The following VPS13C variants were observed in gnomAD, a reference collection of about 807,000 sequenced individuals.
The protein encoded by VPS13C is intermembrane lipid transfer protein VPS13C.
Under a neutral mutation model 456.8 loss-of-function variants are expected in VPS13C, and 358 were observed. That is an observed-to-expected ratio of 0.78 (90% CI 0.72 to 0.86). VPS13C has a LOEUF of 0.86. Ranked by LOEUF, VPS13C falls within the 40% of genes least tolerant of loss-of-function variation. The probability of loss-of-function intolerance (pLI) is 0.00; values close to 1 mark genes in which losing one functional copy is unlikely to be tolerated. For synonymous variants in VPS13C, 1,578 were observed against 1,486.7 expected, an observed-to-expected ratio of 1.06 and a Z score of -1.41; for missense variants, 4,818 against 4,385.4, an observed-to-expected ratio of 1.10 and a Z score of -2.79.
At chr15:61,927,346 G>C in intron 51 of VPS13C, 26 bp from the exon 52 acceptor site, 1 of 1,595,590 alleles carries the variant, frequency 6.3e-7, no homozygotes, top group Non-Finnish European at 8.6e-7. Flanking sequence ...ACAGGAACCA[G>C]AAAAGTTTAA....
chr15:61,983,131 T>C (rs1447621883), intron 20 of VPS13C, among the ~76,000 whole-genome samples: 1 of 152,172 alleles, frequency 6.6e-6, no homozygotes, highest in Non-Finnish European at 1.5e-5. Flanking sequence ...CAATTAAAAT[T>C]TTTTAATTAT....
chr15:61,950,273 A>G, intron 41 of VPS13C, 85 bp downstream of exon 41: 1 of 971,874 alleles, frequency 1.0e-6, no homozygotes, highest in Non-Finnish European at 1.6e-6. Flanking sequence ...TCACGTTAGA[A>G]CTTACAATCT....
At chr15:61,972,004 T>A (rs1420124135) in intron 27 of VPS13C, among the ~76,000 whole-genome samples, 1 of 152,186 alleles carries the variant, frequency 6.6e-6, no homozygotes, top group African/African-American at 2.4e-5. Flanking sequence ...CTGGAATACA[T>A]GTAAAAGTAA....
intron 61 of VPS13C, among the ~76,000 whole-genome samples, chr15:61,915,240 T>C (rs941032764): frequency 6.6e-6 from 1 of 152,120 alleles, no homozygotes; most frequent in African/African-American, 2.4e-5. Context: ...AGGCATTAGG[T>C]TTCTCTCCCA....
At chr15:61,938,684 A>G (rs1234837742) in intron 47 of VPS13C, among the ~76,000 whole-genome samples, 1 of 152,240 alleles carries the variant, frequency 6.6e-6, no homozygotes, top group Non-Finnish European at 1.5e-5. Flanking sequence ...GGAAAAGGAC[A>G]GAGAATACTA....
chr15:62,000,776 T>G, intron 15 of VPS13C, 150 bp from the exon 16 acceptor site: 1 of 524,308 alleles, frequency 1.9e-6, no homozygotes, highest in South Asian at 5.6e-5. Flanking sequence ...TTCTAGACTT[T>G]TAAATTTTTT....
intron 66 of VPS13C, among the ~76,000 whole-genome samples, chr15:61,896,490 G>A (rs1397729021): frequency 2.0e-5 from 3 of 152,150 alleles, no homozygotes; most frequent in South Asian, 2.1e-4. Flanking sequence ...AAGGGGTGAC[G>A]GACGGGACCT....
chr15:61,865,008 T>C (rs1464988273), intron 81 of VPS13C: 1 of 984,424 alleles, frequency 1.0e-6, no homozygotes, highest in Non-Finnish European at 1.2e-6. Context: ...TTTTAAAATA[T>C]AATTTATCAC....
In VPS13C at chr15:61,956,327, G is replaced by T. The variant is rs192935771; in HGVS notation, c.4166-1773C>A. Among the ~76,000 whole-genome samples, 31 of 151,938 alleles carry T rather than the reference G, an allele frequency of 2.0e-4. No individual in the cohort carries two copies. In the East Asian group the frequency reaches 5.4e-3, roughly 27 times the overall value. On this transcript the variant is annotated intron_variant, in intron 37 of 84. Coordinates refer to ENST00000644861, the MANE Select transcript of VPS13C (RefSeq NM_020821.3). ...ACAACAGACACTGGGGACTACTAGAGGGGAGAGGGGGGGACTGGGGGAGGG... is the reference window on the plus strand; with the variant it reads ...ACAACAGACACTGGGGACTACTAGATGGGAGAGGGGGGGACTGGGGGAGGG...
Position 61,947,238 on chromosome 15 carries a change from A to C in VPS13C, c.4831T>G (p.Phe1611Val). 1 of 1,607,758 alleles carries C rather than the reference A, an allele frequency of 6.2e-7. No individual in the cohort carries two copies. Among genetic ancestry groups the C allele is most frequent in the Non-Finnish European group, 8.5e-7 (1 of 1,178,012 alleles). ...ATGTTACACTTCTGATCACAGACAAAGACATTAAATGCATTTAATTCAGCT... is the reference window on the plus strand; with the variant it reads ...ATGTTACACTTCTGATCACAGACAACGACATTAAATGCATTTAATTCAGCT... ...ITAELNAFNV[F>V]VCDQKCNIAD... The change falls in exon 43 of 85, where the codon TTT becomes GTT. Residue 1611 changes from phenylalanine to valine, a missense_variant. Around this residue, in one of 3 missense-constraint regions of VPS13C, gnomAD observed 4,552 missense variants for 4,130.6 expected, o/e 1.10. Coordinates refer to ENST00000644861, the MANE Select transcript of VPS13C (RefSeq NM_020821.3).
At chr15:62,013,471 C>T (rs577138960) in intron 10 of VPS13C, among the ~76,000 whole-genome samples, 130 of 151,350 alleles carry the variant, frequency 8.6e-4, no homozygotes, top group African/African-American at 2.9e-3. Flanking sequence ...TTCCTGAAAA[C>T]AGGTGGTAGC....
At chr15:61,929,193 A>G (rs951550878) in intron 51 of VPS13C, among the ~76,000 whole-genome samples, 1 of 152,152 alleles carries the variant, frequency 6.6e-6, no homozygotes, top group Admixed American at 6.5e-5. Flanking sequence ...TTTTCTTTGA[A>G]TAAGATACCC....
At chr15:61,929,401 C>A in intron 51 of VPS13C, 100 bp downstream of exon 51, 10 of 1,427,996 alleles carry the variant, frequency 7.0e-6, no homozygotes, top group Non-Finnish European at 9.4e-6. Flanking sequence ...ATATAAAAGA[C>A]TAATTTTACG....
intron 81 of VPS13C, chr15:61,866,326 T>C (rs1894588776): frequency 3.0e-6 from 3 of 983,636 alleles, no homozygotes; most frequent in Admixed American, 6.2e-5. Context: ...CAAGATTATA[T>C]GTTCAGACAA....
chr15:61,929,772 T>C, intron 50 of VPS13C, 24 bp from the exon 51 acceptor site: 2 of 1,587,862 alleles, frequency 1.3e-6, no homozygotes, highest in Non-Finnish European at 1.7e-6. Flanking sequence ...TGCTATTCAT[T>C]ATTTTATTCT....
At chr15:62,052,869 G>C (rs1187390965) in intron 1 of VPS13C, among the ~76,000 whole-genome samples, 1 of 151,950 alleles carries the variant, frequency 6.6e-6, no homozygotes, top group African/African-American at 2.4e-5. Context: ...ACTGAAACAG[G>C]AAGTTTTGAC....
intron 83 of VPS13C, among the ~76,000 whole-genome samples, chr15:61,855,429 C>G (rs926030784): frequency 2.0e-5 from 3 of 152,082 alleles, no homozygotes; most frequent in Non-Finnish European, 2.9e-5. Context: ...TTTCATACAT[C>G]AAAACATTCC....
intron 43 of VPS13C, 81 bp from the exon 44 acceptor site, chr15:61,946,491 G>C (rs2044608878): frequency 1.0e-6 from 1 of 972,912 alleles, no homozygotes; most frequent in East Asian, 2.7e-5. Flanking sequence ...ATAATATACT[G>C]ACAAGATATA....
intron 77 of VPS13C, 128 bp downstream of exon 77, chr15:61,874,748 C>A: frequency 1.3e-6 from 1 of 795,154 alleles, no homozygotes; most frequent in Admixed American, 3.1e-5. Flanking sequence ...GGAAACATGT[C>A]TTTTAAAAGG....
Sources: gnomAD v4.1 joint callset for allele counts (sites outside exome capture counted in the v4.1 genomes callset) on GRCh38, gnomAD v4.1.1 for gene constraint, gnomAD v4.1.1 regional missense constraint, MANE v1.5 for transcripts, NCBI Gene and HGNC (gene_info 2026-07-23, HGNC 2026-07-21) for gene names.